COMMD10: variants seen among roughly 807,000 people sequenced by gnomAD.
COMMD10 encodes the protein COMM domain-containing protein 10.
In COMMD10, 33 loss-of-function variants were observed where a neutral mutation model predicts 28.9. The observed-to-expected ratio is 1.14, with a 90% CI of 0.87 to 1.53. COMMD10 has a LOEUF of 1.53. Among genes scored for constraint, COMMD10 ranks in the 40% most tolerant of loss-of-function variants. The pLI is 0.00. For missense variants in COMMD10, 310 were observed against 233.4 expected, an observed-to-expected ratio of 1.33 and a Z score of -2.14; for synonymous variants, 110 against 81.7, an observed-to-expected ratio of 1.35 and a Z score of -1.87.
At chr5:116,126,796 A>G (rs147698136) in intron 4 of COMMD10, among the ~76,000 whole-genome samples, 3,366 of 152,340 alleles carry the variant, frequency 0.022, 59 homozygotes, top group Non-Finnish European at 0.026. Flanking sequence ...AAAGACTTAA[A>G]AATTAGACCT....
At chr5:116,213,759 A>G (rs956820473) in intron 5 of COMMD10, among the ~76,000 whole-genome samples, 4 of 152,084 alleles carry the variant, frequency 2.6e-5, no homozygotes, top group African/African-American at 9.7e-5. Flanking sequence ...TGACCTTTTC[A>G]TAATACAGTG....
intron 5 of COMMD10, among the ~76,000 whole-genome samples, chr5:116,147,473 A>G (rs1295911588): frequency 6.6e-6 from 1 of 151,910 alleles, no homozygotes; most frequent in Non-Finnish European, 1.5e-5. Context: ...ATAGCAAATT[A>G]TACAGTATTT....
At chr5:116,287,606 C>A (rs900629832) in intron 5 of COMMD10, among the ~76,000 whole-genome samples, 1 of 151,496 alleles carries the variant, frequency 6.6e-6, no homozygotes, top group South Asian at 2.1e-4. Context: ...GGACTTATTG[C>A]CGTTTTGTTA....
At chr5:116,222,560 A>C (rs1749289470) in intron 5 of COMMD10, among the ~76,000 whole-genome samples, 1 of 152,218 alleles carries the variant, frequency 6.6e-6, no homozygotes, top group Non-Finnish European at 1.5e-5. Flanking sequence ...GAGGGAATTT[A>C]ATGTTCTTTT....
At chr5:116,179,651 C>T (rs558983438) in intron 5 of COMMD10, among the ~76,000 whole-genome samples, 21 of 152,228 alleles carry the variant, frequency 1.4e-4, no homozygotes, top group African/African-American at 5.1e-4. Flanking sequence ...AGTTAGTAAC[C>T]TGGGCCTGGA....
Position 116,292,615 on chromosome 5 carries a change from C to A in COMMD10, c.*126C>A, listed in dbSNP as rs989547612. On this transcript the variant is annotated 3_prime_UTR_variant, in exon 7 of 7. Transcript: ENST00000274458. Reference sequence around the variant, plus strand: ...GCTTTCTGTAAATTATATGGCTTATCACTTCTTAGACAAATAACAACCAAT... The same window carrying A: ...GCTTTCTGTAAATTATATGGCTTATAACTTCTTAGACAAATAACAACCAAT... The A allele has an allele frequency of 1.2e-5, 8 of 640,022 alleles. No homozygotes were observed. In the East Asian group the frequency reaches 1.9e-4, roughly 16 times the overall value. 39.6% of individuals were successfully genotyped at this position (640,022 alleles called of 1,614,324 possible).
At chr5:116,179,445 A>G (rs966973280) in intron 5 of COMMD10, among the ~76,000 whole-genome samples, 13 of 152,240 alleles carry the variant, frequency 8.5e-5, no homozygotes, top group Admixed American at 3.9e-4. Flanking sequence ...TTCCATTCGT[A>G]AATACCCACG....
intron 5 of COMMD10, among the ~76,000 whole-genome samples, chr5:116,223,368 A>T (rs1035506732): frequency 1.3e-5 from 2 of 150,806 alleles, no homozygotes; most frequent in Admixed American, 6.6e-5. Context: ...ACAAAAAAAA[A>T]TAGTAAGGAT....
intron 5 of COMMD10, among the ~76,000 whole-genome samples, chr5:116,190,707 G>A (rs184484915): frequency 1.3e-5 from 2 of 152,032 alleles, no homozygotes; most frequent in African/African-American, 4.8e-5. Context: ...TATAACTTTT[G>A]TACCTAAAAT....
rs572954589 is a variant in COMMD10, at chr5:116,153,957, A to T, written c.510+19779A>T. Reference sequence around the variant, plus strand: ...ACTTAGAATACTAGAGAATTAGAGAATTTAGGGGCATAAAATAGAATCCAT... The same window carrying T: ...ACTTAGAATACTAGAGAATTAGAGATTTTAGGGGCATAAAATAGAATCCAT... On this transcript the variant is annotated intron_variant, in intron 5 of 6. Coordinates refer to ENST00000274458, the MANE Select transcript of COMMD10 (RefSeq NM_016144.4). Among the ~76,000 whole-genome samples the T allele has an allele frequency of 2.6e-5, 4 of 152,112 alleles. No individual in the cohort carries two copies. In the East Asian group the frequency reaches 5.8e-4, roughly 22 times the overall value.
intron 5 of COMMD10, among the ~76,000 whole-genome samples, chr5:116,276,023 T>C (rs1166433041): frequency 6.6e-6 from 1 of 151,114 alleles, no homozygotes; most frequent in East Asian, 2.0e-4. Flanking sequence ...AAGCCTTCAT[T>C]GTAAAATGAT....
At chr5:116,264,695 T>C (rs1051102804) in intron 5 of COMMD10, among the ~76,000 whole-genome samples, 1 of 151,912 alleles carries the variant, frequency 6.6e-6, no homozygotes, top group Non-Finnish European at 1.5e-5. Flanking sequence ...TCACATTGCT[T>C]TTCTTAACAT....
chr5:116,085,338 C>T (rs1036534949), intron 1 of COMMD10: 1 of 518,740 alleles, frequency 1.9e-6, no homozygotes, highest in Non-Finnish European at 3.4e-6. Context: ...GAGGTCTGTA[C>T]GGAAGCGTGT....
At chr5:116,168,489 G>A (rs892333860) in intron 5 of COMMD10, among the ~76,000 whole-genome samples, 1 of 152,110 alleles carries the variant, frequency 6.6e-6, no homozygotes, top group African/African-American at 2.4e-5. Flanking sequence ...AGACCTAATA[G>A]ACATCTACAG....
chr5:116,224,855 G>A (rs962752479), intron 5 of COMMD10, among the ~76,000 whole-genome samples: 3 of 152,178 alleles, frequency 2.0e-5, no homozygotes, highest in Non-Finnish European at 2.9e-5. Flanking sequence ...ATGCTGATGA[G>A]TATTTGATAG....
chr5:116,115,622 T>A (rs1469938409), intron 4 of COMMD10, among the ~76,000 whole-genome samples: 1 of 152,202 alleles, frequency 6.6e-6, no homozygotes, highest in Non-Finnish European at 1.5e-5. Context: ...TTCATAACAT[T>A]TATTAAATCA....
At chr5:116,122,468 C>T (rs956067773) in intron 4 of COMMD10, among the ~76,000 whole-genome samples, 1 of 152,186 alleles carries the variant, frequency 6.6e-6, no homozygotes, top group Non-Finnish European at 1.5e-5. Context: ...AATGAGGGCT[C>T]TTTTTTGGTT....
intron 5 of COMMD10, among the ~76,000 whole-genome samples, chr5:116,140,090 A>T (rs556108685): frequency 5.9e-5 from 9 of 151,678 alleles, no homozygotes; most frequent in East Asian, 3.9e-4. Flanking sequence ...AGGCATTTTT[A>T]AAAAATTCCA....
chr5:116,118,331 TC>T (rs1197301506), intron 4 of COMMD10, among the ~76,000 whole-genome samples: 1 of 152,196 alleles, frequency 6.6e-6, no homozygotes, highest in Non-Finnish European at 1.5e-5. Flanking sequence ...GAATATAAGC[TC>T]CTCAATGGCA....
Sources: allele counts gnomAD v4.1 joint callset (sites outside exome capture counted in the v4.1 genomes callset), GRCh38; gene constraint gnomAD v4.1.1; transcripts MANE v1.5; gene names NCBI Gene and HGNC (gene_info 2026-07-23, HGNC 2026-07-21).